Variants in SF1 observed in about 807,000 individuals in gnomAD.
SF1 encodes splicing factor 1.
SF1 carries 7 observed loss-of-function variants against 62.5 expected under a neutral mutation model. The ratio of observed to expected loss-of-function variants is 0.11; its 90% CI spans 0.06 to 0.21. The LOEUF (loss-of-function observed/expected upper bound fraction) is 0.21, where lower values mean the gene tolerates loss of function less well. Ranked by LOEUF, SF1 falls within the 10% of genes least tolerant of loss-of-function variation. The pLI, the probability that SF1 is intolerant of heterozygous loss-of-function variation, is 1.00. For missense variants in SF1, 578 were observed against 884.0 expected (o/e 0.65, Z 4.39); for synonymous variants, 394 against 323.6 (o/e 1.22, Z -2.33).
At chr11:64,766,364 G>A in intron 12 of SF1, 1 of 587,444 alleles carries the variant, frequency 1.7e-6, no homozygotes, top group Non-Finnish European at 3.0e-6. Context: ...GGGCTTAACA[G>A]AGTAAGCCCT....
chr11:64,773,403 G>A (rs377474705), intron 3 of SF1, 27 bp downstream of exon 3: 1 of 1,610,768 alleles, frequency 6.2e-7, no homozygotes, highest in African/African-American at 1.3e-5. Flanking sequence ...AAGCGTTACT[G>A]TCAGCTGGTT....
Position 64,770,417 on chromosome 11 carries a change from AAC to A in SF1, c.237-11_237-10del. 1 of 1,609,540 alleles carries A rather than the reference AAC, an allele frequency of 6.2e-7. No homozygotes were observed. The highest frequency in any genetic ancestry group is 8.5e-7 in the Non-Finnish European group (1 of 1,176,100). Reference sequence around the variant, plus strand: ...GCTCAGGGGAAGGGGACCTGTGGGAAACAGACTCCCGTTTACTATTCTGCACC... The same window carrying A: ...GCTCAGGGGAAGGGGACCTGTGGGAAAGACTCCCGTTTACTATTCTGCACC... On this transcript the variant is annotated splice_polypyrimidine_tract_variant and intron_variant, in intron 3 of 12. Transcript: ENST00000377390.
Position 64,765,759 on chromosome 11 carries a change from CG to C in SF1, c.*58del. On this transcript the variant is annotated 3_prime_UTR_variant, in exon 13 of 13. Transcript: ENST00000377390. Reference sequence around the variant, plus strand: ...TCTGGCTCCATATGGTGAGGTTCGGCGTGTTTAAACGAGACCAATTCTCTCT... The same window carrying C: ...TCTGGCTCCATATGGTGAGGTTCGGCTGTTTAAACGAGACCAATTCTCTCT... 1.3e-6 allele frequency: 2 copies of C among 1,482,926 alleles called. No individual in the cohort carries two copies. The highest frequency in any genetic ancestry group is 1.8e-6 in the Non-Finnish European group (2 of 1,118,150). 91.9% of individuals were successfully genotyped at this position (1,482,926 alleles called of 1,614,324 possible).
chr11:64,777,577 G>C (rs1939515828), intron 1 of SF1: 2 of 985,238 alleles, frequency 2.0e-6, no homozygotes, highest in South Asian at 4.7e-5. Context: ...GGTTCCTCAA[G>C]ACCAGAAGGG....
At chr11:64,776,999 T>C (rs899595166) in intron 1 of SF1, among the ~76,000 whole-genome samples, 1 of 152,190 alleles carries the variant, frequency 6.6e-6, no homozygotes, top group Non-Finnish European at 1.5e-5. Context: ...GAATCATAGA[T>C]TTGTAAAGCA....
rs539423936 is a variant in SF1, at chr11:64,774,910, G to A, written c.161-1405C>T. Among the ~76,000 whole-genome samples the A allele has an allele frequency of 1.2e-3, 182 of 150,182 alleles. 4 individuals carry two copies. In the South Asian group the frequency reaches 0.034, roughly 28 times the overall value. Reference sequence around the variant, plus strand: ...CGGGAGACGCAGGTTGCAGTGAGCCGAGATCGCACCACTACACTCCAGCCT... The same window carrying A: ...CGGGAGACGCAGGTTGCAGTGAGCCAAGATCGCACCACTACACTCCAGCCT... On this transcript the variant is annotated intron_variant, in intron 2 of 12. Transcript: ENST00000377390.
In SF1 at chr11:64,772,611, G is replaced by A. The variant is rs1026362432; in HGVS notation, c.236+819C>T. Reference sequence around the variant, plus strand: ...TTTTCAACTATTCTGTATGTACTAAGAGAAAATTCAGTGAGAGGGAGAGAC... The same window carrying A: ...TTTTCAACTATTCTGTATGTACTAAAAGAAAATTCAGTGAGAGGGAGAGAC... On this transcript the variant is annotated intron_variant, in intron 3 of 12. Transcript: ENST00000377390. The A allele has an allele frequency of 6.1e-6, 6 of 985,034 alleles. No individual in the cohort carries two copies. In the Admixed American group the frequency reaches 1.8e-4, roughly 30 times the overall value. 61.0% of individuals were successfully genotyped at this position (985,034 alleles called of 1,614,324 possible).
At chr11:64,775,962 G>A (rs1317417844) in intron 2 of SF1, 1 of 157,314 alleles carries the variant, frequency 6.4e-6, no homozygotes, top group Admixed American at 6.2e-5. Context: ...TTGAAGGGAA[G>A]GTTAAACTCT....
In SF1 at chr11:64,766,109, T is replaced by C; in HGVS notation, c.1629A>G (p.Pro543=). 1 of 1,610,228 alleles carries C rather than the reference T, an allele frequency of 6.2e-7. No homozygotes were observed. The highest frequency in any genetic ancestry group is 8.5e-7 in the Non-Finnish European group (1 of 1,179,698). The part of the protein sequence containing the change: ...TTSAGTGSIP[P]WQQQQAAAAA... Reference sequence around the variant, plus strand: ...CGGCAGCCGCCTGCTGCTGTTGCCATGGCGGGATGGACCCTGTGCCAGCGC... The same window carrying C: ...CGGCAGCCGCCTGCTGCTGTTGCCACGGCGGGATGGACCCTGTGCCAGCGC... Residue 543 remains proline, a synonymous_variant, in exon 13 of 13, where the codon CCA becomes CCG. Transcript: ENST00000377390.
intron 12 of SF1, 44 bp downstream of exon 12, chr11:64,766,856 C>T: frequency 1.6e-6 from 1 of 617,316 alleles, no homozygotes; most frequent in Non-Finnish European, 2.8e-6. Flanking sequence ...GTCAGCCCCA[C>T]CCCCATCCCA....
chr11:64,777,554 C>CG, intron 1 of SF1: 5 of 985,418 alleles, frequency 5.1e-6, no homozygotes, highest in Non-Finnish European at 6.0e-6. Flanking sequence ...ATCCTTGGTA[C>CG]GGTTCCCATT....
At chr11:64,770,721 C>T (rs1325001118) in intron 3 of SF1, 11 of 225,758 alleles carry the variant, frequency 4.9e-5, no homozygotes, top group Non-Finnish European at 9.6e-5. Context: ...AGTATCATCC[C>T]CTGGAGTCTT....
chr11:64,775,252 TATAA>T (rs1338800914), intron 2 of SF1, among the ~76,000 whole-genome samples: 1 of 152,178 alleles, frequency 6.6e-6, no homozygotes, highest in African/African-American at 2.4e-5. Flanking sequence ...TGATTATAGC[TATAA>T]ATAGTCCTTA....
In SF1 at chr11:64,767,540, C is replaced by T. The variant is rs373904301; in HGVS notation, c.1342+31G>A. ...CGTAACCCCTTGCTTATCCCAAAGC[C>T]CCCAAGGTTTCTGGTCTGACACTTA... On this transcript the variant is annotated intron_variant, in intron 10 of 12. Coordinates refer to ENST00000377390, the MANE Select transcript of SF1 (RefSeq NM_004630.4). 2.0e-6 allele frequency: 3 copies of T among 1,524,430 alleles called. No individual in the cohort carries two copies. In the African/African-American group the frequency reaches 4.2e-5, roughly 21 times the overall value. 94.4% of individuals were successfully genotyped at this position (1,524,430 alleles called of 1,614,324 possible).
chr11:64,769,755 G>A (rs888344286), intron 5 of SF1, 146 bp from the exon 6 acceptor site: 2 of 814,820 alleles, frequency 2.5e-6, no homozygotes, highest in Non-Finnish European at 3.9e-6. Flanking sequence ...TCTATATTAT[G>A]GTCAGCCACA....
intron 12 of SF1, 40 bp downstream of exon 12, chr11:64,766,860 C>CCCAA: frequency 1.6e-6 from 1 of 639,306 alleles, no homozygotes; most frequent in Non-Finnish European, 2.6e-6. Flanking sequence ...GCCCCACCCC[C>CCCAA]ATCCCACCCA....
intron 2 of SF1, among the ~76,000 whole-genome samples, chr11:64,774,498 C>T (rs910058930): frequency 6.6e-6 from 1 of 152,180 alleles, no homozygotes; most frequent in African/African-American, 2.4e-5. Flanking sequence ...TTTCAGCAGG[C>T]ATCTCCAATA....
intron 5 of SF1, 117 bp downstream of exon 5, chr11:64,769,847 T>C: frequency 1.2e-6 from 1 of 849,336 alleles, no homozygotes; most frequent in Non-Finnish European, 1.9e-6. Flanking sequence ...TCAGCCAAAA[T>C]GAAATGTCCT....
intron 1 of SF1, chr11:64,777,780 G>GCGCCCCCCCCC: frequency 4.5e-6 from 2 of 445,446 alleles, no homozygotes; most frequent in Non-Finnish European, 5.6e-6. Context: ...AGCGCCTCCC[G>GCGCCCCCCCCC]CCCGCCCAGC....
Sources: gnomAD v4.1 joint callset for allele counts (sites outside exome capture counted in the v4.1 genomes callset) on GRCh38, gnomAD v4.1.1 for gene constraint, MANE v1.5 for transcripts, NCBI Gene and HGNC (gene_info 2026-07-23, HGNC 2026-07-21) for gene names.